Variants in NOS1 observed in about 807,000 individuals in gnomAD.
NOS1 encodes the protein NOS type I.
Under a neutral mutation model 164.5 loss-of-function variants are expected in NOS1, and 51 were observed. That is an observed-to-expected ratio of 0.31 (90% CI 0.25 to 0.39). The LOEUF (loss-of-function observed/expected upper bound fraction) is 0.39, where lower values mean the gene tolerates loss of function less well. NOS1 is among the 10% of genes least tolerant of loss of function. The probability of loss-of-function intolerance (pLI) is 1.00; values close to 1 mark genes in which losing one functional copy is unlikely to be tolerated. For missense variants in NOS1, 1,362 were observed against 1,885.6 expected (o/e 0.72, Z 5.14); for synonymous variants, 719 against 745.8 (o/e 0.96, Z 0.59).
In NOS1 at chr12:117,212,137, C is replaced by T. The variant is rs1042977786; in HGVS notation, c.*3172G>A. On this transcript the variant is annotated 3_prime_UTR_variant, in exon 29 of 29. Coordinates refer to ENST00000317775, the MANE Select transcript of NOS1 (RefSeq NM_000620.5). The stretch of plus-strand genomic sequence containing the variant: ...GCTTATCTCTGCAAACTGCCCGGTG[C>T]CTTCCACACACTGGAGAAGCAAGAC... 19 of 985,220 alleles carry T rather than the reference C, an allele frequency of 1.9e-5. No individual in the cohort carries two copies. The highest frequency in any genetic ancestry group is 1.2e-5 in the Non-Finnish European group (10 of 829,912). 61.0% of individuals were successfully genotyped at this position (985,220 alleles called of 1,614,324 possible). A position where few individuals can be genotyped will look rare whatever the true frequency, so the allele number is the denominator to read the frequency against.
At chr12:117,308,599 A>ATTTT (rs1236088675) in intron 3 of NOS1, among the ~76,000 whole-genome samples, 2 of 143,522 alleles carry the variant, frequency 1.4e-5, no homozygotes, top group South Asian at 4.5e-4. Flanking sequence ...AGATTATATA[A>ATTTT]TTTTTTTTTT....
intron 20 of NOS1, among the ~76,000 whole-genome samples, chr12:117,238,291 G>T (rs2135948467): frequency 6.6e-6 from 1 of 152,120 alleles, no homozygotes; most frequent in African/African-American, 2.4e-5. Context: ...GGGTGGGGGT[G>T]GCCAGAAATT....
intron 27 of NOS1, among the ~76,000 whole-genome samples, chr12:117,218,376 G>C (rs1399195197): frequency 3.3e-5 from 5 of 152,094 alleles, no homozygotes; most frequent in Non-Finnish European, 7.3e-5. Context: ...CTGTTCTCTG[G>C]GACATAGCCC....
Position 117,263,920 on chromosome 12 carries a change from G to A in NOS1, c.2191C>T (p.Arg731Trp), listed in dbSNP as rs1217656677. 2 of 1,613,880 alleles carry A rather than the reference G, an allele frequency of 1.2e-6. No individual in the cohort carries two copies. Among genetic ancestry groups the A allele is most frequent in the East Asian group, 2.2e-5 (1 of 44,852 alleles). ...WKGTNGTPTK[R>W]RAIGFKKLAE... The stretch of plus-strand genomic sequence containing the variant: ...AGCTTCTTGAAGCCAATGGCTCGCC[G>A]CTTTGTGGGGGTCCCGTTGGTGCCT... The change falls in exon 13 of 29, where the codon CGG becomes TGG. Residue 731 changes from arginine to tryptophan, a missense_variant. Transcript: ENST00000317775.
intron 20 of NOS1, among the ~76,000 whole-genome samples, chr12:117,241,576 ATCT>A (rs1165966870): frequency 6.6e-6 from 1 of 151,866 alleles, no homozygotes; most frequent in Non-Finnish European, 1.5e-5. Flanking sequence ...ACTTGAAAAG[ATCT>A]TCTGCTGTAA....
chr12:117,268,399 T>G (rs142226861), intron 10 of NOS1, among the ~76,000 whole-genome samples: 6 of 150,562 alleles, frequency 4.0e-5, no homozygotes, highest in African/African-American at 1.2e-4. Context: ...CCTGGCTAAG[T>G]TTTTGTATTT....
Position 117,288,094 on chromosome 12 carries a change from T to C in NOS1, c.1107A>G (p.Gln369=), listed in dbSNP as rs71653610. The C allele has an allele frequency of 3.6e-4, 584 of 1,614,112 alleles. 1 individual carries two copies. Among genetic ancestry groups the C allele is most frequent in the Non-Finnish European group, 4.7e-4 (554 of 1,180,044 alleles). Residue 369 remains glutamine, a synonymous_variant, in exon 5 of 29, where the codon CAA becomes CAG. Transcript: ENST00000317775. ...CTTGCCTTTTAATTGATGAATAGTA[T>C]TGATCAATAAACTCTTTGGCGAGAG... ...LFPLAKEFID[Q]YYSSIKRFGS... is the part of the protein sequence containing the mutation.
chr12:117,346,069 A>C (rs1210875691), intron 1 of NOS1, among the ~76,000 whole-genome samples: 1 of 152,240 alleles, frequency 6.6e-6, no homozygotes, highest in East Asian at 1.9e-4. Context: ...GCCATGCAGA[A>C]AGCCAAGACT....
intron 23 of NOS1, 73 bp from the exon 24 acceptor site, chr12:117,226,843 A>G: frequency 8.6e-7 from 1 of 1,162,650 alleles, no homozygotes; most frequent in East Asian, 2.4e-5. Flanking sequence ...CCTCCAGTGC[A>G]AAATACCCAC....
intron 3 of NOS1, among the ~76,000 whole-genome samples, chr12:117,296,111 T>C (rs2136034578): frequency 6.6e-6 from 1 of 152,282 alleles, no homozygotes; most frequent in South Asian, 2.1e-4. Flanking sequence ...CATTTACCTA[T>C]ATAGGCATTT....
At chr12:117,288,443 C>A (rs1328459810) in intron 4 of NOS1, among the ~76,000 whole-genome samples, 1 of 152,148 alleles carries the variant, frequency 6.6e-6, no homozygotes, top group African/African-American at 2.4e-5. Flanking sequence ...CTCTACTCAT[C>A]TTGGGAACAG....
intron 14 of NOS1, among the ~76,000 whole-genome samples, chr12:117,260,218 G>C (rs1226820417): frequency 2.0e-5 from 3 of 152,052 alleles, no homozygotes; most frequent in Non-Finnish European, 4.4e-5. Context: ...CCTCAGAATG[G>C]TTTCTTATAA....
chr12:117,304,947 G>A (rs1228014362), intron 3 of NOS1: 2 of 926,534 alleles, frequency 2.2e-6, no homozygotes, highest in African/African-American at 3.6e-5. Flanking sequence ...TCTTCCTCAT[G>A]TCTAACCTGC....
chr12:117,222,953 A>G, intron 25 of NOS1, 90 bp from the exon 26 acceptor site: 1 of 1,444,370 alleles, frequency 6.9e-7, no homozygotes, highest in South Asian at 1.3e-5. Flanking sequence ...CTGAGACCTT[A>G]GCGTGTGCCA....
Position 117,260,478 on chromosome 12 carries a change from G to A in NOS1, c.2354C>T (p.Ala785Val). Residue 785 changes from alanine to valine, a missense_variant, in exon 14 of 29, where the codon GCC becomes GTC. Ala to Val is a moderately conservative substitution (Grantham distance 64). Coordinates refer to ENST00000317775, the MANE Select transcript of NOS1 (RefSeq NM_000620.5). The part of the protein sequence containing the change: ...AKTLCEIFKH[A>V]FDAKVMSMEE... ...CCCCCCACCTACCTTGGCATCAAAG[G>A]CGTGTTTGAAGATCTCACACAAGGT... 1 of 1,613,904 alleles carries A rather than the reference G, an allele frequency of 6.2e-7. No individual in the cohort carries two copies. Among genetic ancestry groups the A allele is most frequent in the Non-Finnish European group, 8.5e-7 (1 of 1,179,868 alleles).
Position 117,360,484 on chromosome 12 carries a change from C to T in NOS1, c.-421+1028G>A, listed in dbSNP as rs1430697999. Among the ~76,000 whole-genome samples the T allele has an allele frequency of 2.6e-5, 4 of 152,364 alleles. No homozygotes were observed. In the East Asian group the frequency reaches 7.7e-4, roughly 29 times the overall value. On this transcript the variant is annotated intron_variant, in intron 1 of 28. Transcript: ENST00000317775. Reference sequence around the variant, plus strand: ...CTCGGCCTCCCTAGAGCCTCCTTTGCGGGAGAAGCACAACTTTCCCAGGTT... The same window carrying T: ...CTCGGCCTCCCTAGAGCCTCCTTTGTGGGAGAAGCACAACTTTCCCAGGTT...
chr12:117,351,112 T>C (rs887835998), intron 1 of NOS1, among the ~76,000 whole-genome samples: 25 of 151,880 alleles, frequency 1.6e-4, no homozygotes, highest in Admixed American at 1.6e-3. Flanking sequence ...AGACTCCGTC[T>C]CAAAAGAAGA....
At chr12:117,216,188 T>TA (rs2135916666) in intron 28 of NOS1, among the ~76,000 whole-genome samples, 1 of 150,776 alleles carries the variant, frequency 6.6e-6, no homozygotes, top group East Asian at 2.0e-4. Context: ...AAAGGGATTT[T>TA]TTTTTTTTTT....
chr12:117,218,940 C>T (rs2135921355), intron 27 of NOS1, among the ~76,000 whole-genome samples: 1 of 151,932 alleles, frequency 6.6e-6, no homozygotes, highest in Admixed American at 6.6e-5. Flanking sequence ...TTCCAGCCTC[C>T]CCATCTGTAG....
Sources: gnomAD v4.1 joint callset for allele counts (sites outside exome capture counted in the v4.1 genomes callset) on GRCh38, gnomAD v4.1.1 for gene constraint, MANE v1.5 for transcripts, NCBI Gene and HGNC (gene_info 2026-07-23, HGNC 2026-07-21) for gene names.